Variants in PTPRN2 observed in about 807,000 individuals in gnomAD.
The protein encoded by PTPRN2 is receptor-type tyrosine-protein phosphatase N2.
Under a neutral mutation model 118.8 loss-of-function variants are expected in PTPRN2, and 74 were observed. That is an observed-to-expected ratio of 0.62 (90% confidence interval 0.52 to 0.76). The LOEUF (loss-of-function observed/expected upper bound fraction) is 0.76, where lower values mean the gene tolerates loss of function less well. PTPRN2 is among the 30% of genes least tolerant of loss of function. The pLI, the probability that PTPRN2 is intolerant of heterozygous loss-of-function variation, is 0.00. For missense variants in PTPRN2, 1,481 were observed against 1,394.4 expected, an observed-to-expected ratio of 1.06 and a Z score of -0.99; for synonymous variants, 641 against 608.0, an observed-to-expected ratio of 1.05 and a Z score of -0.80.
intron 3 of PTPRN2, among the ~76,000 whole-genome samples, chr7:158,252,539 G>A (rs1310115607): frequency 6.6e-6 from 1 of 152,144 alleles, no homozygotes; most frequent in African/African-American, 2.4e-5. Context: ...CCCTGCACCA[G>A]TTACCAAAGA....
intron 4 of PTPRN2, among the ~76,000 whole-genome samples, chr7:158,202,773 C>A (rs1432651812): frequency 6.6e-6 from 1 of 152,114 alleles, no homozygotes; most frequent in Non-Finnish European, 1.5e-5. Flanking sequence ...GTAACCATAG[C>A]TAGTGCCATC....
intron 5 of PTPRN2, among the ~76,000 whole-genome samples, chr7:158,186,079 G>A (rs1032586716): frequency 3.9e-5 from 6 of 152,120 alleles, no homozygotes; most frequent in Non-Finnish European, 5.9e-5. Context: ...GGAAAGAGGC[G>A]GGGGTGCAGA....
chr7:157,788,744 C>T (rs557710086), intron 12 of PTPRN2, among the ~76,000 whole-genome samples: 2 of 152,154 alleles, frequency 1.3e-5, no homozygotes, highest in South Asian at 2.1e-4. Context: ...CCCACTGCCA[C>T]GCGGGAGGCC....
At chr7:157,768,578 C>T (rs570512201) in intron 12 of PTPRN2, among the ~76,000 whole-genome samples, 2 of 152,238 alleles carry the variant, frequency 1.3e-5, no homozygotes, top group South Asian at 2.1e-4. Flanking sequence ...AAGGGGGCTG[C>T]GACGCCCCAG....
chr7:157,637,419 G>C (rs923159352), intron 14 of PTPRN2, among the ~76,000 whole-genome samples: 17 of 152,176 alleles, frequency 1.1e-4, no homozygotes, highest in African/African-American at 4.1e-4. Flanking sequence ...CTGGGTGGGG[G>C]AATCGGGGTG....
chr7:158,393,193 G>A (rs1812074948), intron 2 of PTPRN2, among the ~76,000 whole-genome samples: 3 of 152,228 alleles, frequency 2.0e-5, no homozygotes, highest in South Asian at 4.2e-4. Context: ...CGCCTCCAAC[G>A]CACCCTCCTC....
At chr7:157,740,534 G>GCAA (rs1800576134) in intron 12 of PTPRN2, 1 of 152,388 alleles carries the variant, frequency 6.6e-6, no homozygotes, top group Admixed American at 6.5e-5. Flanking sequence ...TCTGTCCACG[G>GCAA]GGTGACTTCA....
Position 157,881,219 on chromosome 7 carries a change from CAGTAGT to C in PTPRN2, c.1788+17448_1788+17453del, listed in dbSNP as rs1563203050. ...GGGTATGTGGAGATGGGGGTGTTTA[CAGTAGT>C]CATTATGGTAAAATGAGGTCATGAT... On this transcript the variant is annotated intron_variant, in intron 12 of 22. Transcript: ENST00000389418. The surrounding 1 kb of genome is among the most constrained non-coding windows in gnomAD (Gnocchi z 4.7). Among the ~76,000 whole-genome samples the C allele has an allele frequency of 7.5e-5, 11 of 147,042 alleles. No individual in the cohort carries two copies. In the East Asian group the frequency reaches 9.8e-4, roughly 13 times the overall value.
chr7:158,115,231 G>A (rs184568527), intron 9 of PTPRN2, among the ~76,000 whole-genome samples: 1 of 152,262 alleles, frequency 6.6e-6, no homozygotes, highest in African/African-American at 2.4e-5. Flanking sequence ...TAAAGAACAG[G>A]TTGGAGACCA....
intron 22 of PTPRN2, among the ~76,000 whole-genome samples, chr7:157,547,752 G>A (rs1192704233): frequency 6.6e-6 from 1 of 151,488 alleles, no homozygotes; most frequent in African/African-American, 2.4e-5. Flanking sequence ...GCTCCCTCGT[G>A]AGGGACAGTC....
chr7:158,033,866 A>G (rs1807885352), intron 11 of PTPRN2, among the ~76,000 whole-genome samples: 1 of 143,504 alleles, frequency 7.0e-6, no homozygotes, highest in Non-Finnish European at 1.5e-5. Flanking sequence ...CTAGTCAGCA[A>G]TGCTCTGTGT....
intron 2 of PTPRN2, among the ~76,000 whole-genome samples, chr7:158,327,364 G>C (rs7781761): frequency 0.94 from 139,838 of 149,192 alleles, 65,455 homozygotes; most frequent in Non-Finnish European, 0.96. Flanking sequence ...TGTACACATT[G>C]TCACACACAC....
At chr7:157,640,046 TA>T (rs1804579194) in intron 14 of PTPRN2, among the ~76,000 whole-genome samples, 1 of 152,208 alleles carries the variant, frequency 6.6e-6, no homozygotes, top group Non-Finnish European at 1.5e-5. Flanking sequence ...GAGGAGCTTA[TA>T]ATCTGGAATT....
At chr7:158,389,551 A>C (rs1475084084) in intron 2 of PTPRN2, among the ~76,000 whole-genome samples, 1 of 152,098 alleles carries the variant, frequency 6.6e-6, no homozygotes, top group Admixed American at 6.5e-5. Context: ...TGAAACAAAC[A>C]CTCCTCCTTA....
At chr7:157,642,305 T>C (rs1477457024) in intron 14 of PTPRN2, among the ~76,000 whole-genome samples, 1 of 152,252 alleles carries the variant, frequency 6.6e-6, no homozygotes, top group African/African-American at 2.4e-5. Flanking sequence ...AGAGCCCACC[T>C]GACGCCAGCT....
chr7:158,445,399 C>G (rs1366538430), intron 2 of PTPRN2, among the ~76,000 whole-genome samples: 20 of 152,004 alleles, frequency 1.3e-4, no homozygotes, highest in Admixed American at 1.3e-3. Context: ...TTCCACCACA[C>G]TCTACACTGC....
At chr7:158,545,670 G>C (rs1288365544) in intron 1 of PTPRN2, among the ~76,000 whole-genome samples, 1 of 152,204 alleles carries the variant, frequency 6.6e-6, no homozygotes, top group Non-Finnish European at 1.5e-5. Flanking sequence ...TGGAGTTGCT[G>C]TCACCCCCAG....
At chr7:158,085,821 C>G (rs1446527767) in intron 10 of PTPRN2, among the ~76,000 whole-genome samples, 1 of 85,750 alleles carries the variant, frequency 1.2e-5, no homozygotes, top group East Asian at 4.3e-4. Context: ...TCCACACCCA[C>G]GATGCCCATC....
intron 22 of PTPRN2, among the ~76,000 whole-genome samples, chr7:157,546,024 T>C (rs1798303556): frequency 6.6e-6 from 1 of 152,222 alleles, no homozygotes; most frequent in African/African-American, 2.4e-5. Context: ...TAAGATGTGA[T>C]GGTGACTTTC....
Sources: allele counts gnomAD v4.1 joint callset (sites outside exome capture counted in the v4.1 genomes callset), GRCh38; gene constraint gnomAD v4.1.1; non-coding constraint Gnocchi (gnomAD v3.1); transcripts MANE v1.5; gene names NCBI Gene and HGNC (gene_info 2026-07-23, HGNC 2026-07-21).